The following NPAS3 variants were observed in gnomAD, a reference collection of about 807,000 sequenced individuals.
NPAS3 encodes neuronal PAS domain-containing protein 3.
In NPAS3, 14 loss-of-function variants were observed where a neutral mutation model predicts 73.1. That is an observed-to-expected ratio of 0.19 (90% CI 0.13 to 0.30). The LOEUF is 0.30. Among genes scored for constraint, NPAS3 ranks in the 10% least tolerant of loss-of-function variants. NPAS3 has a pLI of 1.00. For synonymous variants in NPAS3, 620 were observed against 541.5 expected, an observed-to-expected ratio of 1.14 and a Z score of -2.01; for missense variants, 1,096 against 1,250.0, an observed-to-expected ratio of 0.88 and a Z score of 1.86.
chr14:33,294,282 G>C (rs1450998074), intron 3 of NPAS3, among the ~76,000 whole-genome samples: 1 of 152,124 alleles, frequency 6.6e-6, no homozygotes, highest in East Asian at 1.9e-4. Context: ...AAGTCTCCAT[G>C]TTCTTTTTCT....
intron 2 of NPAS3, among the ~76,000 whole-genome samples, chr14:33,159,638 C>G (rs1029948293): frequency 6.7e-6 from 1 of 148,274 alleles, no homozygotes; most frequent in Non-Finnish European, 1.5e-5. Context: ...ACCGCAAACT[C>G]CGCCTCCCGG....
chr14:33,440,139 GA>G (rs2049179941), intron 4 of NPAS3, among the ~76,000 whole-genome samples: 1 of 148,472 alleles, frequency 6.7e-6, no homozygotes, highest in Non-Finnish European at 1.5e-5. Context: ...AAAGAAAAAA[GA>G]CCATTGTGGG....
intron 4 of NPAS3, among the ~76,000 whole-genome samples, chr14:33,555,423 G>A (rs754483093): frequency 2.6e-4 from 40 of 152,040 alleles, no homozygotes; most frequent in African/African-American, 7.2e-4. Context: ...CTTAATTGGC[G>A]CCTGTTGAAA....
At chr14:33,412,808 G>C (rs1227604903) in intron 4 of NPAS3, among the ~76,000 whole-genome samples, 1 of 152,130 alleles carries the variant, frequency 6.6e-6, no homozygotes, top group Non-Finnish European at 1.5e-5. Flanking sequence ...ATGTCTTTGG[G>C]AGTAAGTTGT....
intron 2 of NPAS3, among the ~76,000 whole-genome samples, chr14:33,147,762 A>G (rs1052795798): frequency 4.1e-5 from 5 of 123,236 alleles, no homozygotes. Flanking sequence ...TATACACACA[A>G]AAAAGTTTGG....
At chr14:33,680,476 G>C in intron 6 of NPAS3, 1 of 645,766 alleles carries the variant, frequency 1.5e-6, no homozygotes, top group Non-Finnish European at 2.8e-6. Context: ...TGTGTATGTA[G>C]GTATGTATGT....
intron 2 of NPAS3, among the ~76,000 whole-genome samples, chr14:33,082,260 C>T (rs1334198046): frequency 1.3e-5 from 2 of 152,076 alleles, no homozygotes; most frequent in Admixed American, 1.3e-4. Flanking sequence ...ACACATAAGG[C>T]CTAGTTGTAA....
intron 1 of NPAS3, among the ~76,000 whole-genome samples, chr14:33,026,188 C>T (rs1057491504): frequency 8.5e-5 from 13 of 152,140 alleles, no homozygotes; most frequent in Non-Finnish European, 1.6e-4. Flanking sequence ...AAAAACATAG[C>T]GTGTCCTCCC....
At chr14:33,522,730 C>G (rs2053611989) in intron 4 of NPAS3, among the ~76,000 whole-genome samples, 1 of 152,058 alleles carries the variant, frequency 6.6e-6, no homozygotes, top group South Asian at 2.1e-4. Context: ...CCACCCTACT[C>G]CTTTGGTTAT....
intron 3 of NPAS3, among the ~76,000 whole-genome samples, chr14:33,301,002 T>C (rs2042507761): frequency 6.6e-6 from 1 of 151,974 alleles, no homozygotes; most frequent in African/African-American, 2.4e-5. Flanking sequence ...GGATAGCAGG[T>C]GGCTTTGATA....
chr14:33,800,653 C>T lies in NPAS3; in HGVS notation c.2346C>T (p.Asn782=), dbSNP rs1227152459. Reference sequence around the variant, plus strand: ...GGGGCGGCGGCCCCAGCGCGTCCAACTCCTTGCTGTACACTGGGGACCTGG... The same window carrying T: ...GGGGCGGCGGCCCCAGCGCGTCCAATTCCTTGCTGTACACTGGGGACCTGG... The change falls in exon 12 of 12, where the codon AAC becomes AAT. Residue 782 remains asparagine, a synonymous_variant. Transcript: ENST00000356141. The surrounding 1 kb of genome is among the most constrained non-coding windows in gnomAD (Gnocchi z 6.5). The T allele has an allele frequency of 5.9e-6, 9 of 1,519,012 alleles. No individual in the cohort carries two copies. In the Admixed American group the frequency reaches 2.0e-4, roughly 34 times the overall value. 94.1% of individuals were successfully genotyped at this position (1,519,012 alleles called of 1,614,324 possible).
At chr14:33,595,188 C>G (rs781196758) in intron 5 of NPAS3, among the ~76,000 whole-genome samples, 6 of 152,126 alleles carry the variant, frequency 3.9e-5, no homozygotes, top group Non-Finnish European at 7.4e-5. Context: ...AGTTTTGCTT[C>G]CATTCTGTTT....
intron 6 of NPAS3, among the ~76,000 whole-genome samples, chr14:33,728,387 A>G (rs2061325255): frequency 6.6e-6 from 1 of 152,174 alleles, no homozygotes; most frequent in Admixed American, 6.6e-5. Context: ...TATGCTCTAG[A>G]GTTTCAGTTA....
At chr14:33,195,064 T>C (rs781639285) in intron 2 of NPAS3, among the ~76,000 whole-genome samples, 1 of 142,818 alleles carries the variant, frequency 7.0e-6, no homozygotes, top group Non-Finnish European at 1.5e-5. Flanking sequence ...TGATTTGGAT[T>C]TAGCTTGATG....
chr14:33,214,700 T>C (rs1465374165), intron 2 of NPAS3: 1 of 154,670 alleles, frequency 6.5e-6, no homozygotes, highest in African/African-American at 2.4e-5. Flanking sequence ...TGTATTCGTG[T>C]TTACCTTCTG....
rs535714179 is a variant in NPAS3 at position 33,095,616 on chromosome 14, A to C, written c.140+39622A>C. On this transcript the variant is annotated intron_variant, in intron 2 of 11. Coordinates refer to ENST00000356141, the Ensembl canonical transcript of NPAS3. The stretch of plus-strand genomic sequence containing the variant: ...GGATGTTAGTATGGTATCAAGTCCT[A>C]AAGCAAATAAAGCCTTACACAAAGG... Among the ~76,000 whole-genome samples, 90 of 151,564 alleles carry C rather than the reference A, an allele frequency of 5.9e-4. No individual in the cohort carries two copies. In the Middle Eastern group the frequency reaches 0.014, roughly 24 times the overall value.
chr14:32,950,412 A>AT (rs913786065), intron 1 of NPAS3, among the ~76,000 whole-genome samples: 22 of 152,052 alleles, frequency 1.4e-4, no homozygotes, highest in African/African-American at 5.3e-4. Flanking sequence ...ATAAAGGCAT[A>AT]TTTTTCCATA....
At chr14:33,426,856 T>A (rs563866053) in intron 4 of NPAS3, among the ~76,000 whole-genome samples, 104 of 152,242 alleles carry the variant, frequency 6.8e-4, no homozygotes, top group Non-Finnish European at 1.0e-3. Flanking sequence ...TGTTTGAAGG[T>A]GTCACATTTG....
chr14:33,225,233 A>C (rs997411182), intron 3 of NPAS3, among the ~76,000 whole-genome samples: 1 of 152,226 alleles, frequency 6.6e-6, no homozygotes, highest in African/African-American at 2.4e-5. Flanking sequence ...TTATAACTGA[A>C]CTATTGCCAT....
Sources: allele counts gnomAD v4.1 joint callset (sites outside exome capture counted in the v4.1 genomes callset), GRCh38; gene constraint gnomAD v4.1.1; non-coding constraint Gnocchi (gnomAD v3.1); transcripts MANE v1.5; gene names NCBI Gene and HGNC (gene_info 2026-07-23, HGNC 2026-07-21).